SEMA5A: variants seen among roughly 807,000 people sequenced by gnomAD.
The protein encoded by SEMA5A is semaphorin-5A.
Under a neutral mutation model 135.5 loss-of-function variants are expected in SEMA5A, and 55 were observed. The observed-to-expected ratio is 0.41, with a 90% CI of 0.33 to 0.51. SEMA5A has a LOEUF of 0.51. SEMA5A is among the 20% of genes least tolerant of loss of function. The pLI is 0.37. For missense variants in SEMA5A, 1,290 were observed against 1,419.9 expected (o/e 0.91, Z 1.47); for synonymous variants, 580 against 546.5 (o/e 1.06, Z -0.85).
At chr5:9,220,448 A>G (rs1429958535) in intron 8 of SEMA5A, among the ~76,000 whole-genome samples, 9 of 152,212 alleles carry the variant, frequency 5.9e-5, no homozygotes. Flanking sequence ...ATTGAAATAG[A>G]AAACTAAGAA....
In SEMA5A at chr5:9,050,883, C is replaced by T. The variant is rs150916946; in HGVS notation, c.2846-426G>A. ...CAGAGGGAGGGCCCATTCACCAGAG[C>T]TCAAGGACATCTCCAGAACAAGTGA... On this transcript the variant is annotated intron_variant, in intron 20 of 22. Transcript: ENST00000382496. Among the ~76,000 whole-genome samples the T allele has an allele frequency of 5.7e-3, 866 of 152,306 alleles. 4 individuals are homozygous for T. The highest frequency in any genetic ancestry group is 0.02 in the African/African-American group (828 of 41,566).
intron 1 of SEMA5A, among the ~76,000 whole-genome samples, chr5:9,450,889 G>C (rs1193811176): frequency 6.6e-6 from 1 of 152,114 alleles, no homozygotes; most frequent in Admixed American, 6.5e-5. Context: ...GTTGTACTTG[G>C]TTAGCTCACA....
At chr5:9,541,736 AT>A (rs1487190278) in intron 1 of SEMA5A, among the ~76,000 whole-genome samples, 2 of 152,128 alleles carry the variant, frequency 1.3e-5, no homozygotes, top group African/African-American at 4.8e-5. Context: ...CCTTTGGGAA[AT>A]TTTTCTGTTT....
intron 1 of SEMA5A, among the ~76,000 whole-genome samples, chr5:9,477,022 C>G (rs183492138): frequency 6.6e-6 from 1 of 152,054 alleles, no homozygotes; most frequent in Non-Finnish European, 1.5e-5. Context: ...GAGGGAGGAA[C>G]CTGGTAGGAG....
At position 9,038,075 on chromosome 5, in the gene SEMA5A, C is replaced by G. The variant is rs933321753; in HGVS notation, c.*4822G>C. ...ACCATAGGTAATCAAATATTGGTAA[C>G]GTTGTGTCAACATGCTTCCCCAAGT... On this transcript the variant is annotated 3_prime_UTR_variant, in exon 23 of 23. Coordinates refer to ENST00000382496, the MANE Select transcript of SEMA5A (RefSeq NM_003966.3). 6.6e-6 allele frequency: 1 copy of G among 152,074 alleles called. No homozygotes were observed. Among genetic ancestry groups the G allele is most frequent in the Non-Finnish European group, 1.5e-5 (1 of 68,028 alleles). The allele number at this position is 152,074 out of a possible 1,614,324, so 9.4% of individuals were successfully genotyped here.
intron 5 of SEMA5A, among the ~76,000 whole-genome samples, chr5:9,317,934 T>C (rs756900394): frequency 3.9e-5 from 6 of 152,216 alleles, no homozygotes; most frequent in Non-Finnish European, 8.8e-5. Flanking sequence ...TTCTTTGTTA[T>C]AGATAGCTTT....
chr5:9,507,951 C>G (rs1735988650), intron 1 of SEMA5A, among the ~76,000 whole-genome samples: 1 of 150,122 alleles, frequency 6.7e-6, no homozygotes, highest in African/African-American at 2.4e-5. Context: ...TTGCAGTAAG[C>G]CAAGATTGCG....
At chr5:9,071,970 A>G (rs1442420018) in intron 16 of SEMA5A, among the ~76,000 whole-genome samples, 3 of 152,226 alleles carry the variant, frequency 2.0e-5, no homozygotes, top group Non-Finnish European at 4.4e-5. Flanking sequence ...TGTGGCAAAC[A>G]GAACAAAGAT....
chr5:9,496,626 G>C (rs1735316148), intron 1 of SEMA5A, among the ~76,000 whole-genome samples: 2 of 152,092 alleles, frequency 1.3e-5, no homozygotes, highest in African/African-American at 4.8e-5. Context: ...ACCCAGCTGG[G>C]ATGTGGCAGG....
intron 8 of SEMA5A, among the ~76,000 whole-genome samples, chr5:9,220,373 CA>C (rs1746869614): frequency 6.7e-6 from 1 of 149,518 alleles, no homozygotes; most frequent in Admixed American, 6.6e-5. Context: ...TAAGAAAAAA[CA>C]ACAAAAAAAC....
chr5:9,398,634 A>C (rs187142499), intron 2 of SEMA5A, among the ~76,000 whole-genome samples: 16 of 152,348 alleles, frequency 1.1e-4, no homozygotes, highest in Admixed American at 1.0e-3. Context: ...TCAGGTACCA[A>C]GCCCTTCTGC....
At chr5:9,526,897 T>G (rs1737153180) in intron 1 of SEMA5A, among the ~76,000 whole-genome samples, 1 of 151,810 alleles carries the variant, frequency 6.6e-6, no homozygotes, top group Non-Finnish European at 1.5e-5. Context: ...GATGCTGGAG[T>G]TTTTAACTTC....
At chr5:9,072,641 C>T (rs1343971443) in intron 16 of SEMA5A, among the ~76,000 whole-genome samples, 1 of 152,166 alleles carries the variant, frequency 6.6e-6, no homozygotes, top group Non-Finnish European at 1.5e-5. Flanking sequence ...AGGGGCCTTG[C>T]TTCCACAGTG....
intron 10 of SEMA5A, among the ~76,000 whole-genome samples, chr5:9,193,042 A>G (rs1745200918): frequency 6.6e-6 from 1 of 152,144 alleles, no homozygotes; most frequent in African/African-American, 2.4e-5. Flanking sequence ...CGCCTGTATC[A>G]ATCTTATTTA....
At chr5:9,135,555 T>C (rs1400757151) in intron 13 of SEMA5A, among the ~76,000 whole-genome samples, 1 of 152,022 alleles carries the variant, frequency 6.6e-6, no homozygotes, top group East Asian at 2.0e-4. Context: ...GTAAGTTCTT[T>C]GGTGGGAAAC....
chr5:9,225,193 G>A lies in SEMA5A; in HGVS notation c.433-306C>T, dbSNP rs1035229913. 4.6e-5 allele frequency among the ~76,000 whole-genome samples: 7 copies of A among 151,840 alleles called. 1 individual carries two copies. The highest frequency in any genetic ancestry group is 1.0e-4 in the Non-Finnish European group (7 of 68,000). On this transcript the variant is annotated intron_variant, in intron 7 of 22. Transcript: ENST00000382496. Reference sequence around the variant, plus strand: ...CTTTGATTTATAATGCACAAGTATTGCATACTTTTCCACTTTAATATAAAA... The same window carrying A: ...CTTTGATTTATAATGCACAAGTATTACATACTTTTCCACTTTAATATAAAA...
chr5:9,121,369 C>G (rs1344506517), intron 14 of SEMA5A, among the ~76,000 whole-genome samples: 1 of 152,102 alleles, frequency 6.6e-6, no homozygotes. Flanking sequence ...GTTTTTAAAG[C>G]CTCATTAAAA....
chr5:9,254,425 A>G (rs1309193027), intron 5 of SEMA5A, among the ~76,000 whole-genome samples: 1 of 152,204 alleles, frequency 6.6e-6, no homozygotes, highest in Non-Finnish European at 1.5e-5. Flanking sequence ...GAGATAAGAG[A>G]GACGTATGCT....
At chr5:9,493,313 T>TTA (rs1206625296) in intron 1 of SEMA5A, among the ~76,000 whole-genome samples, 10 of 150,626 alleles carry the variant, frequency 6.6e-5, no homozygotes, top group South Asian at 2.1e-4. Flanking sequence ...ATATAAAACA[T>TTA]TATATATATA....
Sources: allele counts gnomAD v4.1 joint callset (sites outside exome capture counted in the v4.1 genomes callset), GRCh38; gene constraint gnomAD v4.1.1; transcripts MANE v1.5; gene names NCBI Gene and HGNC (gene_info 2026-07-23, HGNC 2026-07-21).